The following ZNF292 variants were observed in gnomAD, a reference collection of about 807,000 sequenced individuals.
ZNF292 encodes 16 zinc-finger domain protein.
Under a neutral mutation model 217.9 loss-of-function variants are expected in ZNF292, and 26 were observed. The observed-to-expected ratio is 0.12, with a 90% CI of 0.09 to 0.17. The LOEUF is 0.17. Among genes scored for constraint, ZNF292 ranks in the 10% least tolerant of loss-of-function variants. The pLI is 1.00. For missense variants in ZNF292, 2,904 were observed against 3,175.2 expected, an observed-to-expected ratio of 0.91 and a Z score of 2.05; for synonymous variants, 1,257 against 1,124.1, an observed-to-expected ratio of 1.12 and a Z score of -2.37.
At chr6:87,171,308 G>A (rs1424720637) in intron 1 of ZNF292, among the ~76,000 whole-genome samples, 2 of 151,968 alleles carry the variant, frequency 1.3e-5, no homozygotes, top group Non-Finnish European at 2.9e-5. Flanking sequence ...GGATTATATA[G>A]TAACTAAAAG....
At chr6:87,187,335 A>G (rs1771694854) in intron 1 of ZNF292, among the ~76,000 whole-genome samples, 1 of 152,144 alleles carries the variant, frequency 6.6e-6, no homozygotes, top group Non-Finnish European at 1.5e-5. Flanking sequence ...TTAAAAGAAA[A>G]TCTTGTTCAG....
intron 1 of ZNF292, among the ~76,000 whole-genome samples, chr6:87,156,557 C>T (rs2127766503): frequency 6.6e-6 from 1 of 152,318 alleles, no homozygotes; most frequent in East Asian, 1.9e-4. Context: ...AGTATGATTT[C>T]CACTATCCTT....
chr6:87,240,808 C>T (rs1582483054), intron 5 of ZNF292, among the ~76,000 whole-genome samples: 1 of 152,038 alleles, frequency 6.6e-6, no homozygotes. Context: ...TTTATTAAAC[C>T]CGAACAAGTA....
intron 1 of ZNF292, among the ~76,000 whole-genome samples, chr6:87,185,913 T>C (rs1029579416): frequency 1.3e-5 from 2 of 152,172 alleles, no homozygotes; most frequent in African/African-American, 4.8e-5. Flanking sequence ...CCTGCCTGGG[T>C]ACACCTCCCT....
At chr6:87,203,309 CT>C (rs1203198756) in intron 1 of ZNF292, among the ~76,000 whole-genome samples, 1 of 151,206 alleles carries the variant, frequency 6.6e-6, no homozygotes, top group Non-Finnish European at 1.5e-5. Flanking sequence ...ATCTGGCTAA[CT>C]TTTTGTATTT....
At chr6:87,224,369 A>G (rs1261039351) in intron 4 of ZNF292, among the ~76,000 whole-genome samples, 1 of 150,892 alleles carries the variant, frequency 6.6e-6, no homozygotes, top group South Asian at 2.1e-4. Context: ...TTTGTGTTGT[A>G]TAGTTTTATA....
rs556638909 is a variant in ZNF292, at chr6:87,218,558, C to G, written c.403-38C>G. 7 of 1,479,040 alleles carry G rather than the reference C, an allele frequency of 4.7e-6. No individual in the cohort carries two copies. The Admixed American group carries it at 1.3e-4, about 28-fold the overall frequency. The allele number at this position is 1,479,040 out of a possible 1,614,324, so 91.6% of individuals were successfully genotyped here. A position where few individuals can be genotyped will look rare whatever the true frequency, so the allele number is the denominator to read the frequency against. The stretch of plus-strand genomic sequence containing the variant: ...GCCTGATAAGCTTGCTTTTAAAAAT[C>G]TGTTGTAATTCTTTGGATGTTTATT... On this transcript the variant is annotated intron_variant, in intron 3 of 7. Coordinates refer to ENST00000369577, the MANE Select transcript of ZNF292 (RefSeq NM_015021.3).
Position 87,260,215 on chromosome 6 carries a change from C to T in ZNF292, c.6586C>T (p.Leu2196Phe), listed in dbSNP as rs1562193620. ...ITGLIQHYMK[L>F]HEMTPEEIES... ...TGGCCTAATACAACACTACATGAAA[C>T]TTCATGAAATGACTCCTGAAGAAAT... The change falls in exon 8 of 8, where the codon CTT becomes TTT. Residue 2196 changes from leucine to phenylalanine, a missense_variant. Coordinates refer to ENST00000369577, the MANE Select transcript of ZNF292 (RefSeq NM_015021.3). 2 of 1,613,620 alleles carry T rather than the reference C, an allele frequency of 1.2e-6. No homozygotes were observed. Among genetic ancestry groups the T allele is most frequent in the East Asian group, 2.2e-5 (1 of 44,882 alleles).
At chr6:87,175,075 C>T (rs1454603081) in intron 1 of ZNF292, among the ~76,000 whole-genome samples, 1 of 152,168 alleles carries the variant, frequency 6.6e-6, no homozygotes, top group East Asian at 1.9e-4. Context: ...GAGTCTTCAT[C>T]ACTTTTCATC....
At chr6:87,207,281 A>G (rs1035791265) in intron 1 of ZNF292, among the ~76,000 whole-genome samples, 1 of 152,236 alleles carries the variant, frequency 6.6e-6, no homozygotes, top group African/African-American at 2.4e-5. Context: ...CAGAAGTGAC[A>G]GTATAAACAT....
chr6:87,173,958 C>T (rs1157090774), intron 1 of ZNF292: 1 of 250,024 alleles, frequency 4.0e-6, no homozygotes, highest in Non-Finnish European at 8.1e-6. Context: ...TAACCTTTTA[C>T]CCTGGTTCAG....
chr6:87,256,478 A>G lies in ZNF292; in HGVS notation c.2849A>G (p.Asn950Ser). The change falls in exon 8 of 8, where the codon AAC (asparagine) becomes AGC (serine). Residue 950 changes from asparagine to serine, a missense_variant. Physicochemically the swap from Asn to Ser is conservative, Grantham distance 46. Around this residue, in one of 15 missense-constraint regions of ZNF292, gnomAD observed 687 missense variants for 623.0 expected, o/e 1.10. Transcript: ENST00000369577. ...KVSLNQGIED[N>S]FGKQENSTVE... ...TCTCTCAATCAGGGGATTGAGGATA[A>G]CTTTGGAAAGCAAGAAAACTCAACT... The G allele has an allele frequency of 6.2e-7, 1 of 1,610,342 alleles. No homozygotes were observed. The highest frequency in any genetic ancestry group is 8.5e-7 in the Non-Finnish European group (1 of 1,179,810).
intron 1 of ZNF292, among the ~76,000 whole-genome samples, chr6:87,157,730 C>G (rs573081739): frequency 6.6e-6 from 1 of 152,028 alleles, no homozygotes; most frequent in Non-Finnish European, 1.5e-5. Context: ...GCTCTGTCAC[C>G]CGGGCTGGAG....
chr6:87,234,944 G>A (rs1024846926), intron 5 of ZNF292, among the ~76,000 whole-genome samples: 2 of 152,052 alleles, frequency 1.3e-5, no homozygotes, highest in African/African-American at 4.8e-5. Context: ...AAACCTGTTG[G>A]GTTTCTTATG....
At chr6:87,205,280 C>G (rs1290906321) in intron 1 of ZNF292, among the ~76,000 whole-genome samples, 1 of 151,976 alleles carries the variant, frequency 6.6e-6, no homozygotes, top group African/African-American at 2.4e-5. Context: ...TGCTATGTTG[C>G]TCTGGCTGGT....
chr6:87,253,832 G>C (rs1775060220), intron 7 of ZNF292, among the ~76,000 whole-genome samples: 2 of 152,052 alleles, frequency 1.3e-5, no homozygotes, highest in South Asian at 4.1e-4. Context: ...CACATCCTGT[G>C]GCTATCTTAT....
intron 6 of ZNF292, 147 bp from the exon 7 acceptor site, chr6:87,245,356 G>A (rs1399998332): frequency 6.5e-6 from 3 of 460,258 alleles, no homozygotes; most frequent in Non-Finnish European, 7.5e-6. Context: ...AGAAAATTGG[G>A]ATCTGTTTTC....
chr6:87,195,752 G>T (rs577063244), intron 1 of ZNF292, among the ~76,000 whole-genome samples: 25 of 152,216 alleles, frequency 1.6e-4, no homozygotes, highest in African/African-American at 6.0e-4. Flanking sequence ...ACTAGGCAGG[G>T]CGTGGTGGCT....
chr6:87,252,696 T>C (rs751682150), intron 7 of ZNF292, among the ~76,000 whole-genome samples: 1 of 152,220 alleles, frequency 6.6e-6, no homozygotes, highest in Non-Finnish European at 1.5e-5. Flanking sequence ...TTTTTTTCTT[T>C]CTTGCATATC....
Sources: allele counts gnomAD v4.1 joint callset (sites outside exome capture counted in the v4.1 genomes callset), GRCh38; gene constraint gnomAD v4.1.1; regional missense constraint gnomAD v4.1.1; transcripts MANE v1.5; gene names NCBI Gene and HGNC (gene_info 2026-07-23, HGNC 2026-07-21).